The following EXOC6B variants were observed in gnomAD, a reference collection of about 807,000 sequenced individuals.
EXOC6B encodes the protein SEC15 homolog B.
EXOC6B carries 54 observed loss-of-function variants against 113.5 expected under a neutral mutation model. The observed-to-expected ratio is 0.48, with a 90% CI of 0.38 to 0.60. The LOEUF (loss-of-function observed/expected upper bound fraction) is 0.60. Among genes scored for constraint, EXOC6B ranks in the 20% least tolerant of loss-of-function variants. The pLI, the probability that EXOC6B is intolerant of heterozygous loss-of-function variation, is 0.00. For missense variants in EXOC6B, 797 were observed against 977.5 expected (o/e 0.82, Z 2.46); for synonymous variants, 357 against 339.0 (o/e 1.05, Z -0.58).
intron 1 of EXOC6B, among the ~76,000 whole-genome samples, chr2:72,763,555 T>C (rs1162380303): frequency 6.6e-6 from 1 of 151,832 alleles, no homozygotes; most frequent in Admixed American, 6.6e-5. Flanking sequence ...CACAAGTAGC[T>C]GGGACTACAG....
chr2:72,557,562 T>C (rs546999156), intron 8 of EXOC6B, among the ~76,000 whole-genome samples: 1 of 152,040 alleles, frequency 6.6e-6, no homozygotes, highest in African/African-American at 2.4e-5. Flanking sequence ...AAAACAAATA[T>C]CCCATGTTCT....
intron 18 of EXOC6B, among the ~76,000 whole-genome samples, chr2:72,449,288 T>C (rs1002229820): frequency 2.6e-5 from 4 of 152,012 alleles, no homozygotes; most frequent in Non-Finnish European, 5.9e-5. Flanking sequence ...GTTCACGCCA[T>C]TGTCCTGCCT....
At chr2:72,313,099 A>T (rs1434875962) in intron 20 of EXOC6B, among the ~76,000 whole-genome samples, 1 of 152,190 alleles carries the variant, frequency 6.6e-6, no homozygotes, top group Non-Finnish European at 1.5e-5. Context: ...AAGAAATTTT[A>T]GCCTCAGCAC....
At chr2:72,651,463 A>C (rs910551128) in intron 6 of EXOC6B, among the ~76,000 whole-genome samples, 1 of 152,178 alleles carries the variant, frequency 6.6e-6, no homozygotes, top group African/African-American at 2.4e-5. Context: ...CTGAAGACAC[A>C]ATTGCTCTAA....
intron 20 of EXOC6B, among the ~76,000 whole-genome samples, chr2:72,257,179 C>A (rs1311406100): frequency 6.6e-6 from 1 of 152,096 alleles, no homozygotes; most frequent in Non-Finnish European, 1.5e-5. Context: ...GAGTACAAAC[C>A]AGTCCTAACA....
chr2:72,576,653 A>C (rs1316821625), intron 6 of EXOC6B, among the ~76,000 whole-genome samples: 1 of 152,128 alleles, frequency 6.6e-6, no homozygotes, highest in Non-Finnish European at 1.5e-5. Flanking sequence ...TGGTCAAATC[A>C]ACAGGAAATA....
At chr2:72,684,836 G>A (rs1676964983) in intron 6 of EXOC6B, among the ~76,000 whole-genome samples, 1 of 152,112 alleles carries the variant, frequency 6.6e-6, no homozygotes, top group Non-Finnish European at 1.5e-5. Flanking sequence ...GAGTGGAGAG[G>A]GAAATGAGAG....
At chr2:72,688,185 A>G (rs1283672378) in intron 6 of EXOC6B, among the ~76,000 whole-genome samples, 1 of 152,182 alleles carries the variant, frequency 6.6e-6, no homozygotes, top group Non-Finnish European at 1.5e-5. Flanking sequence ...ATTGCTGAGC[A>G]TGTACAGAAA....
chr2:72,401,056 GAAGGTTGGACA>G (rs1458647289), intron 18 of EXOC6B, among the ~76,000 whole-genome samples: 1 of 151,858 alleles, frequency 6.6e-6, no homozygotes, highest in Non-Finnish European at 1.5e-5. Context: ...TCCATCAACA[GAAGGTTGGACA>G]AAGAAATGTT....
At chr2:72,661,359 C>T (rs1674999110) in intron 6 of EXOC6B, among the ~76,000 whole-genome samples, 1 of 146,032 alleles carries the variant, frequency 6.8e-6, no homozygotes, top group South Asian at 2.1e-4. Flanking sequence ...GCTGAATATA[C>T]CAAGGAATCT....
chr2:72,745,370 C>G (rs1368238716), intron 1 of EXOC6B, among the ~76,000 whole-genome samples: 1 of 152,016 alleles, frequency 6.6e-6, no homozygotes, highest in Non-Finnish European at 1.5e-5. Context: ...TATCTTAGGA[C>G]CATTATGATT....
intron 8 of EXOC6B, among the ~76,000 whole-genome samples, chr2:72,530,425 G>A (rs918271015): frequency 6.6e-6 from 1 of 152,032 alleles, no homozygotes; most frequent in African/African-American, 2.4e-5. Context: ...TTATCGTTGT[G>A]TTACTAATTT....
intron 8 of EXOC6B, among the ~76,000 whole-genome samples, chr2:72,546,678 A>G (rs1702922288): frequency 6.6e-6 from 1 of 152,226 alleles, no homozygotes; most frequent in African/African-American, 2.4e-5. Context: ...AGACAAAACT[A>G]TTAGTTTAAC....
chr2:72,586,725 C>G (rs1558820582), intron 6 of EXOC6B, among the ~76,000 whole-genome samples: 1 of 151,738 alleles, frequency 6.6e-6, no homozygotes. Context: ...GCACGCTAGC[C>G]TGGCGGCAGA....
intron 6 of EXOC6B, among the ~76,000 whole-genome samples, chr2:72,688,521 A>G (rs1375223420): frequency 6.7e-6 from 1 of 149,770 alleles, no homozygotes. Flanking sequence ...TTATGAGCTG[A>G]GGACTACTGG....
chr2:72,629,939 A>C (rs1672285983), intron 6 of EXOC6B, among the ~76,000 whole-genome samples: 3 of 152,098 alleles, frequency 2.0e-5, no homozygotes, highest in East Asian at 1.9e-4. Context: ...GATCACTCAA[A>C]CCTGGGTTAG....
intron 6 of EXOC6B, among the ~76,000 whole-genome samples, chr2:72,599,256 A>C (rs897473407): frequency 6.6e-6 from 1 of 152,146 alleles, no homozygotes; most frequent in Non-Finnish European, 1.5e-5. Flanking sequence ...TGACATTAAG[A>C]AATCAATTAA....
At chr2:72,439,630 A>G (rs1202726088) in intron 18 of EXOC6B, among the ~76,000 whole-genome samples, 1 of 152,124 alleles carries the variant, frequency 6.6e-6, no homozygotes, top group Non-Finnish European at 1.5e-5. Flanking sequence ...ATGTTTTATC[A>G]TGATATTTAG....
intron 18 of EXOC6B, among the ~76,000 whole-genome samples, chr2:72,409,469 A>G (rs1694017189): frequency 6.6e-6 from 1 of 152,160 alleles, no homozygotes; most frequent in Non-Finnish European, 1.5e-5. Flanking sequence ...AACCAACCCA[A>G]ATGTCCAACA....
Sources: allele counts gnomAD v4.1 joint callset (sites outside exome capture counted in the v4.1 genomes callset), GRCh38; gene constraint gnomAD v4.1.1; transcripts MANE v1.5; gene names NCBI Gene and HGNC (gene_info 2026-07-23, HGNC 2026-07-21).